Variants in DOCK3 observed in about 807,000 individuals in gnomAD.
DOCK3 encodes dedicator of cytokinesis 3, also known as dedicator of cytokinesis protein 3.
Under a neutral mutation model 265.6 loss-of-function variants are expected in DOCK3, and 60 were observed. That is an observed-to-expected ratio of 0.23 (90% CI 0.18 to 0.28). The LOEUF (loss-of-function observed/expected upper bound fraction) is 0.28, where lower values mean the gene tolerates loss of function less well. Ranked by LOEUF, DOCK3 falls within the 10% of genes least tolerant of loss-of-function variation. DOCK3 has a pLI of 1.00. For missense variants in DOCK3, 1,981 were observed against 2,594.3 expected, an observed-to-expected ratio of 0.76 and a Z score of 5.14; for synonymous variants, 881 against 938.0, an observed-to-expected ratio of 0.94 and a Z score of 1.11.
chr3:50,849,071 G>A (rs1223326361), intron 3 of DOCK3, among the ~76,000 whole-genome samples: 7 of 151,852 alleles, frequency 4.6e-5, no homozygotes, highest in South Asian at 4.2e-4. Flanking sequence ...GTCTTGCTCT[G>A]TCACCCAGGC....
At chr3:51,212,420 G>A (rs1298348984) in intron 13 of DOCK3, among the ~76,000 whole-genome samples, 1 of 148,498 alleles carries the variant, frequency 6.7e-6, no homozygotes, top group African/African-American at 2.5e-5. Context: ...AATGGTTAGA[G>A]TACACCCACT....
At chr3:50,690,465 G>A (rs55748593) in intron 1 of DOCK3, among the ~76,000 whole-genome samples, 7,556 of 152,098 alleles carry the variant, frequency 0.05, 257 homozygotes, top group Non-Finnish European at 0.077. Flanking sequence ...ATGGCATTAA[G>A]TATGTTCACA....
chr3:51,299,284 T>C (rs966730839), intron 27 of DOCK3, among the ~76,000 whole-genome samples: 1 of 152,136 alleles, frequency 6.6e-6, no homozygotes, highest in Non-Finnish European at 1.5e-5. Context: ...TCTTGTAAGT[T>C]TGTTTAAGTT....
intron 5 of DOCK3, among the ~76,000 whole-genome samples, chr3:50,963,867 C>T (rs1035502122): frequency 2.6e-5 from 4 of 152,036 alleles, no homozygotes; most frequent in African/African-American, 7.3e-5. Context: ...TAGAGTTGGC[C>T]GGACACAGTA....
chr3:50,707,100 G>A (rs2107872158), intron 1 of DOCK3, among the ~76,000 whole-genome samples: 1 of 152,212 alleles, frequency 6.6e-6, no homozygotes. Context: ...TTTGCCTTCT[G>A]CCGTGAGTAA....
chr3:51,075,282 G>T, intron 6 of DOCK3, 74 bp from the exon 7 acceptor site: 1 of 1,288,894 alleles, frequency 7.8e-7, no homozygotes, highest in South Asian at 1.4e-5. Context: ...GGCAGGTATG[G>T]GTTCCCAGGC....
intron 40 of DOCK3, among the ~76,000 whole-genome samples, chr3:51,350,739 C>A (rs1167672456): frequency 6.6e-6 from 1 of 152,212 alleles, no homozygotes; most frequent in Non-Finnish European, 1.5e-5. Context: ...TCTTCTCAGC[C>A]ATATAGGGCA....
intron 5 of DOCK3, among the ~76,000 whole-genome samples, chr3:50,938,835 A>G (rs1010993115): frequency 6.6e-6 from 1 of 151,780 alleles, no homozygotes; most frequent in Non-Finnish European, 1.5e-5. Context: ...CTCCTGCTCT[A>G]CTGTAAGAAA....
chr3:51,030,639 C>G (rs1444236701), intron 5 of DOCK3, among the ~76,000 whole-genome samples: 1 of 152,182 alleles, frequency 6.6e-6, no homozygotes, highest in Non-Finnish European at 1.5e-5. Context: ...TTACTTTCTG[C>G]TAGTCATTTT....
chr3:50,679,099 C>T (rs886073378), intron 1 of DOCK3, among the ~76,000 whole-genome samples: 1 of 152,200 alleles, frequency 6.6e-6, no homozygotes, highest in Non-Finnish European at 1.5e-5. Flanking sequence ...AGGCATGAAC[C>T]ACTGCGCCCA....
chr3:50,684,015 A>G (rs2107684343), intron 1 of DOCK3, among the ~76,000 whole-genome samples: 1 of 152,072 alleles, frequency 6.6e-6, no homozygotes, highest in Non-Finnish European at 1.5e-5. Context: ...ACCCTTTTCC[A>G]GACAGGACTA....
At chr3:51,135,521 G>T (rs1209991646) in intron 9 of DOCK3, among the ~76,000 whole-genome samples, 1 of 152,100 alleles carries the variant, frequency 6.6e-6, no homozygotes, top group Non-Finnish European at 1.5e-5. Context: ...TAGATTCCTG[G>T]ACTGTCTCCG....
rs150159182 is a variant in DOCK3 at position 50,970,109 on chromosome 3, T to C, written c.315+36032T>C. On this transcript the variant is annotated intron_variant, in intron 5 of 52. Coordinates refer to ENST00000266037, the MANE Select transcript of DOCK3 (RefSeq NM_004947.5). ...AAAAGAAAAGAAAAGAAAAAAACTA[T>C]GAAAATAGGACCCAGTCTCTTCTGG... Among the ~76,000 whole-genome samples the C allele has an allele frequency of 7.3e-5, 11 of 151,494 alleles. No individual in the cohort carries two copies. In the East Asian group the frequency reaches 2.1e-3, roughly 29 times the overall value.
intron 5 of DOCK3, among the ~76,000 whole-genome samples, chr3:51,036,697 C>G (rs1055658749): frequency 1.3e-5 from 2 of 150,938 alleles, no homozygotes; most frequent in African/African-American, 2.4e-5. Flanking sequence ...TTTTTTTTAA[C>G]AAAACATGTC....
chr3:51,173,665 C>G (rs9847479), intron 12 of DOCK3, among the ~76,000 whole-genome samples: 121,292 of 152,134 alleles, frequency 0.8, 49,155 homozygotes, highest in Middle Eastern at 0.89. Context: ...TGCAAGGTTT[C>G]TGCTGAGAAA....
intron 3 of DOCK3, among the ~76,000 whole-genome samples, chr3:50,845,206 C>CA (rs937135224): frequency 4.0e-5 from 6 of 150,538 alleles, no homozygotes; most frequent in Middle Eastern, 3.2e-3. Flanking sequence ...GACTCTGTCT[C>CA]AAAAAAAACC....
chr3:51,069,158 A>G (rs1197474743), intron 6 of DOCK3, among the ~76,000 whole-genome samples: 1 of 152,184 alleles, frequency 6.6e-6, no homozygotes, highest in Non-Finnish European at 1.5e-5. Flanking sequence ...TCAGATAGAA[A>G]CCGCACTTTC....
At chr3:50,903,225 G>C (rs375780900) in intron 4 of DOCK3, among the ~76,000 whole-genome samples, 14 of 152,168 alleles carry the variant, frequency 9.2e-5, no homozygotes, top group African/African-American at 3.4e-4. Flanking sequence ...GGTGAGAGAG[G>C]GAATCCTCTT....
At chr3:50,856,952 A>G (rs1468943334) in intron 3 of DOCK3, among the ~76,000 whole-genome samples, 2 of 152,026 alleles carry the variant, frequency 1.3e-5, no homozygotes, top group Non-Finnish European at 1.5e-5. Context: ...CATGTTTTCT[A>G]AAACAAATTT....
Sources: allele counts gnomAD v4.1 joint callset (sites outside exome capture counted in the v4.1 genomes callset), GRCh38; gene constraint gnomAD v4.1.1; transcripts MANE v1.5; gene names NCBI Gene and HGNC (gene_info 2026-07-23, HGNC 2026-07-21).